ADARB2: variants seen among roughly 807,000 people sequenced by gnomAD.
ADARB2 encodes adenosine deaminase RNA specific B2 (inactive).
ADARB2 carries 25 observed loss-of-function variants against 62.2 expected under a neutral mutation model. The observed-to-expected ratio is 0.40, with a 90% CI of 0.29 to 0.56. ADARB2 has a LOEUF of 0.56. Ranked by LOEUF, ADARB2 falls within the 20% of genes least tolerant of loss-of-function variation. The pLI is 0.43. For synonymous variants in ADARB2, 572 were observed against 500.8 expected (o/e 1.14, Z -1.90); for missense variants, 1,071 against 1,077.4 (o/e 0.99, Z 0.08).
At chr10:1,194,568 TCATC>T (rs1487346812) in intron 8 of ADARB2, among the ~76,000 whole-genome samples, 1 of 152,212 alleles carries the variant, frequency 6.6e-6, no homozygotes, top group East Asian at 1.9e-4. Context: ...ATCTATCTAT[TCATC>T]CATCCTCCAT....
At position 1,348,358 on chromosome 10, in the gene ADARB2, C is replaced by T. The variant is rs148661871; in HGVS notation, c.1077+14670G>A. Among the ~76,000 whole-genome samples the T allele has an allele frequency of 4.3e-3, 659 of 152,278 alleles. 4 individuals are homozygous for T. Among genetic ancestry groups the T allele is most frequent in the Non-Finnish European group, 6.2e-3 (424 of 67,996 alleles). On this transcript the variant is annotated intron_variant, in intron 3 of 9. Coordinates refer to ENST00000381312, the MANE Select transcript of ADARB2 (RefSeq NM_018702.4). ...TCCTGGGTGAGCGGTTGAGGGGCCT[C>T]TGTGGTGACTCTGAGCCTACAGGTC...
chr10:1,273,158 A>T (rs1831279120), intron 3 of ADARB2, among the ~76,000 whole-genome samples: 1 of 151,496 alleles, frequency 6.6e-6, no homozygotes, highest in Non-Finnish European at 1.5e-5. Flanking sequence ...ACGTTTTCTC[A>T]GTCACCGTCA....
chr10:1,508,064 T>C (rs1365558047), intron 1 of ADARB2, among the ~76,000 whole-genome samples: 2 of 152,050 alleles, frequency 1.3e-5, no homozygotes, highest in African/African-American at 4.8e-5. Context: ...ATCACACAAT[T>C]CCCGAGTGGT....
chr10:1,543,678 G>A (rs939723023), intron 1 of ADARB2, among the ~76,000 whole-genome samples: 1 of 152,162 alleles, frequency 6.6e-6, no homozygotes, highest in Admixed American at 6.5e-5. Flanking sequence ...GATAAAGGGA[G>A]CTTTGGAAAT....
At chr10:1,461,845 T>C (rs1270153750) in intron 1 of ADARB2, among the ~76,000 whole-genome samples, 2 of 151,870 alleles carry the variant, frequency 1.3e-5, no homozygotes, top group Admixed American at 1.3e-4. Context: ...ACTAAAAATA[T>C]GAAAAAATTA....
chr10:1,206,739 C>T (rs1018328575), intron 7 of ADARB2, among the ~76,000 whole-genome samples: 2 of 152,186 alleles, frequency 1.3e-5, no homozygotes, highest in African/African-American at 4.8e-5. Context: ...GGCGTCCACA[C>T]TGTCTGCGTC....
intron 1 of ADARB2, among the ~76,000 whole-genome samples, chr10:1,430,904 C>T (rs1392805288): frequency 1.3e-5 from 2 of 152,148 alleles, no homozygotes; most frequent in Admixed American, 6.5e-5. Flanking sequence ...AACAAAACAT[C>T]AAAATATATA....
chr10:1,604,836 TAA>T (rs1370700742), intron 1 of ADARB2, among the ~76,000 whole-genome samples: 1 of 152,200 alleles, frequency 6.6e-6, no homozygotes, highest in Non-Finnish European at 1.5e-5. Flanking sequence ...CTTCTCGTGG[TAA>T]GTTTGGTGAG....
chr10:1,508,780 C>T (rs1393504544), intron 1 of ADARB2, among the ~76,000 whole-genome samples: 1 of 152,190 alleles, frequency 6.6e-6, no homozygotes, highest in Non-Finnish European at 1.5e-5. Flanking sequence ...GAGACTCCAT[C>T]TCAAAACAAA....
At chr10:1,364,727 A>G (rs1832297651) in intron 2 of ADARB2, among the ~76,000 whole-genome samples, 1 of 152,222 alleles carries the variant, frequency 6.6e-6, no homozygotes, top group Admixed American at 6.5e-5. Context: ...GATTTAAAGT[A>G]CAGGCATGCC....
intron 3 of ADARB2, among the ~76,000 whole-genome samples, chr10:1,337,839 G>T (rs377570040): frequency 2.0e-5 from 3 of 152,310 alleles, no homozygotes; most frequent in African/African-American, 7.2e-5. Flanking sequence ...CTATAAAAGG[G>T]GGTGCCATTA....
At chr10:1,560,920 C>T (rs4880520) in intron 1 of ADARB2, among the ~76,000 whole-genome samples, 32,478 of 152,072 alleles carry the variant, frequency 0.21, 3,675 homozygotes, top group Non-Finnish European at 0.23. Flanking sequence ...TGCAGGGCAA[C>T]CTTGCCTCTC....
intron 8 of ADARB2, among the ~76,000 whole-genome samples, chr10:1,194,339 C>T (rs1167875439): frequency 6.6e-6 from 1 of 152,250 alleles, no homozygotes; most frequent in Non-Finnish European, 1.5e-5. Context: ...TGTGCCTCCA[C>T]ATGGCTTGTG....
intron 2 of ADARB2, among the ~76,000 whole-genome samples, chr10:1,372,988 G>C (rs935053157): frequency 6.6e-6 from 1 of 152,068 alleles, no homozygotes; most frequent in African/African-American, 2.4e-5. Context: ...AAAAGAAATT[G>C]AGACACAAAC....
rs1833844516 is a variant in ADARB2 at position 1,631,558 on chromosome 10, T to C, written c.100+105493A>G. On this transcript the variant is annotated intron_variant, in intron 1 of 9. Coordinates refer to ENST00000381312, the MANE Select transcript of ADARB2 (RefSeq NM_018702.4). ...CTCTTTGATGCCTGGGAAGGACTTC[T>C]ACATCCAGGAAGTGCTAGGTCACCC... is the stretch of plus-strand genomic sequence containing the variant. Among the ~76,000 whole-genome samples, 3 of 152,336 alleles carry C rather than the reference T, an allele frequency of 2.0e-5. No homozygotes were observed. In the South Asian group the frequency reaches 6.2e-4, roughly 32 times the overall value.
At chr10:1,400,909 C>T (rs906955278) in intron 1 of ADARB2, among the ~76,000 whole-genome samples, 40 of 152,260 alleles carry the variant, frequency 2.6e-4, no homozygotes, top group Non-Finnish European at 3.1e-4. Flanking sequence ...AAGGCCTCAG[C>T]GACGGCTGAG....
rs965680753 is a variant in ADARB2, at chr10:1,182,122, G to C, written c.*1071C>G. 2 of 152,340 alleles carry C rather than the reference G, an allele frequency of 1.3e-5. No individual in the cohort carries two copies. Among genetic ancestry groups the C allele is most frequent in the Admixed American group, 6.5e-5 (1 of 15,304 alleles). The allele number at this position is 152,340 out of a possible 1,614,324, so 9.4% of individuals were successfully genotyped here. A position where few individuals can be genotyped will look rare whatever the true frequency, so the allele number is the denominator to read the frequency against. On this transcript the variant is annotated 3_prime_UTR_variant, in exon 10 of 10. Coordinates refer to ENST00000381312, the MANE Select transcript of ADARB2 (RefSeq NM_018702.4). Reference sequence around the variant, plus strand: ...AATCTGAAAGAATAGAGAGCTGGTAGCCTCTCAAGCTGAAGGTAAAGGTTG... The same window carrying C: ...AATCTGAAAGAATAGAGAGCTGGTACCCTCTCAAGCTGAAGGTAAAGGTTG...
intron 1 of ADARB2, among the ~76,000 whole-genome samples, chr10:1,610,270 G>A (rs1303171677): frequency 6.6e-6 from 1 of 152,122 alleles, no homozygotes; most frequent in Non-Finnish European, 1.5e-5. Flanking sequence ...CTCTGCACAA[G>A]GTGCTGGCTG....
chr10:1,538,918 C>T (rs904097778), intron 1 of ADARB2, among the ~76,000 whole-genome samples: 2 of 152,242 alleles, frequency 1.3e-5, no homozygotes, highest in Admixed American at 1.3e-4. Flanking sequence ...ATCCCATCCA[C>T]CCTCACCGAG....
Sources: allele counts gnomAD v4.1 joint callset (sites outside exome capture counted in the v4.1 genomes callset), GRCh38; gene constraint gnomAD v4.1.1; transcripts MANE v1.5; gene names NCBI Gene and HGNC (gene_info 2026-07-23, HGNC 2026-07-21).